The following GPC5 variants were observed in gnomAD, a reference collection of about 807,000 sequenced individuals.
The protein encoded by GPC5 is glypican-5.
A neutral mutation model predicts 53.9 loss-of-function variants in GPC5; 47 were observed. That is an observed-to-expected ratio of 0.87 (90% CI 0.69 to 1.11). The LOEUF is 1.11. Among genes scored for constraint, GPC5 ranks in the 50% most tolerant of loss-of-function variants. The pLI is 0.00. For missense variants in GPC5, 748 were observed against 713.1 expected (o/e 1.05, Z -0.56); for synonymous variants, 286 against 263.3 (o/e 1.09, Z -0.84).
intron 7 of GPC5, among the ~76,000 whole-genome samples, chr13:92,250,895 C>T (rs879905159): frequency 6.6e-5 from 10 of 151,738 alleles, no homozygotes; most frequent in Non-Finnish European, 1.2e-4. Flanking sequence ...ATGTTTATAC[C>T]GCATGTATGA....
intron 7 of GPC5, among the ~76,000 whole-genome samples, chr13:92,823,210 A>C (rs1877732489): frequency 6.6e-6 from 1 of 152,174 alleles, no homozygotes; most frequent in Admixed American, 6.6e-5. Context: ...AACCAGGTGC[A>C]TAGGAAATAT....
At chr13:91,492,910 T>C (rs1164693415) in intron 2 of GPC5, among the ~76,000 whole-genome samples, 3 of 152,344 alleles carry the variant, frequency 2.0e-5, no homozygotes, top group East Asian at 1.9e-4. Context: ...TTAGTTTAAG[T>C]ATAGCAACCT....
intron 5 of GPC5, 67 bp downstream of exon 5, chr13:91,756,487 G>T (rs186870552): frequency 1.5e-6 from 2 of 1,355,968 alleles, no homozygotes; most frequent in Admixed American, 4.1e-5. Context: ...TGAATCTTAA[G>T]GGGATTAATT....
intron 7 of GPC5, among the ~76,000 whole-genome samples, chr13:92,467,974 C>A (rs571931473): frequency 6.6e-6 from 1 of 152,088 alleles, no homozygotes; most frequent in Non-Finnish European, 1.5e-5. Context: ...CCTGGACCAA[C>A]GAACTCAGAG....
At chr13:92,328,648 G>A (rs894808380) in intron 7 of GPC5, among the ~76,000 whole-genome samples, 1 of 152,024 alleles carries the variant, frequency 6.6e-6, no homozygotes, top group South Asian at 2.1e-4. Context: ...CTTAGCCCAA[G>A]GTGTCCATAT....
At chr13:91,468,551 C>T (rs999498637) in intron 2 of GPC5, among the ~76,000 whole-genome samples, 1 of 152,110 alleles carries the variant, frequency 6.6e-6, no homozygotes, top group Non-Finnish European at 1.5e-5. Context: ...CAGGGGTTGC[C>T]TGAGGTTACC....
At chr13:91,824,681 A>T (rs1451740372) in intron 5 of GPC5, among the ~76,000 whole-genome samples, 1 of 151,790 alleles carries the variant, frequency 6.6e-6, no homozygotes, top group African/African-American at 2.4e-5. Flanking sequence ...CATACCTCCA[A>T]TAAATGTTTC....
chr13:92,228,728 T>A (rs1195140635), intron 7 of GPC5, among the ~76,000 whole-genome samples: 1 of 152,052 alleles, frequency 6.6e-6, no homozygotes, highest in Non-Finnish European at 1.5e-5. Context: ...TCTTAGGAAC[T>A]GACTAGAGAC....
intron 7 of GPC5, among the ~76,000 whole-genome samples, chr13:92,832,577 C>T (rs1336601451): frequency 4.6e-5 from 7 of 152,106 alleles, no homozygotes; most frequent in Non-Finnish European, 1.5e-5. Context: ...GGTGAAAATG[C>T]TGCTTAGTGC....
chr13:92,421,828 C>T (rs767428976), intron 7 of GPC5, among the ~76,000 whole-genome samples: 1 of 151,716 alleles, frequency 6.6e-6, no homozygotes, highest in African/African-American at 2.4e-5. Context: ...ATAGCCAGAG[C>T]AGGAGGAAGG....
At chr13:92,238,545 G>A (rs191703253) in intron 7 of GPC5, among the ~76,000 whole-genome samples, 1 of 151,754 alleles carries the variant, frequency 6.6e-6, no homozygotes. Flanking sequence ...TTAAAAACTG[G>A]GTTATTTATC....
intron 7 of GPC5, among the ~76,000 whole-genome samples, chr13:92,543,233 C>T (rs940154561): frequency 6.6e-6 from 1 of 151,858 alleles, no homozygotes; most frequent in Admixed American, 6.6e-5. Context: ...TTCAGAAATT[C>T]TTTATTCTGC....
intron 7 of GPC5, among the ~76,000 whole-genome samples, chr13:92,679,984 C>A (rs1887067752): frequency 6.8e-6 from 1 of 147,008 alleles, no homozygotes; most frequent in Non-Finnish European, 1.5e-5. Flanking sequence ...TAATAATGCA[C>A]TGCTAAGAAA....
intron 2 of GPC5, among the ~76,000 whole-genome samples, chr13:91,667,421 G>T (rs994438388): frequency 3.3e-5 from 5 of 152,108 alleles, no homozygotes; most frequent in African/African-American, 1.2e-4. Flanking sequence ...TAGTAGTTTT[G>T]TAAAAGGAGG....
At chr13:92,746,001 C>T (rs1889233643) in intron 7 of GPC5, among the ~76,000 whole-genome samples, 1 of 152,048 alleles carries the variant, frequency 6.6e-6, no homozygotes, top group Admixed American at 6.6e-5. Context: ...GAACACAAGC[C>T]TTCAGAAAAC....
chr13:92,087,708 G>T (rs2041346909), intron 6 of GPC5, among the ~76,000 whole-genome samples: 6 of 151,880 alleles, frequency 4.0e-5, no homozygotes, highest in Admixed American at 3.9e-4. Flanking sequence ...ATTATATCTT[G>T]TATCTTTCCC....
chr13:91,955,984 C>T (rs949067884), intron 6 of GPC5, among the ~76,000 whole-genome samples: 1 of 152,192 alleles, frequency 6.6e-6, no homozygotes, highest in Non-Finnish European at 1.5e-5. Flanking sequence ...TACACACTCT[C>T]CAGCTGCCTG....
intron 2 of GPC5, among the ~76,000 whole-genome samples, chr13:91,572,088 T>C (rs118127395): frequency 0.029 from 4,090 of 139,126 alleles, 318 homozygotes; most frequent in Non-Finnish European, 0.045. Flanking sequence ...TATGTATATG[T>C]ACATGTGTGT....
chr13:92,194,285 AC>A, intron 7 of GPC5, among the ~76,000 whole-genome samples: 1 of 152,266 alleles, frequency 6.6e-6, no homozygotes, highest in South Asian at 2.1e-4. Context: ...AATAGTGAGT[AC>A]CTCCGACTCC....
Sources: allele counts gnomAD v4.1 joint callset (sites outside exome capture counted in the v4.1 genomes callset), GRCh38; gene constraint gnomAD v4.1.1; transcripts MANE v1.5; gene names NCBI Gene and HGNC (gene_info 2026-07-23, HGNC 2026-07-21).